The following PANK1 variants were observed in gnomAD, a reference collection of about 807,000 sequenced individuals.
The protein encoded by PANK1 is pantothenic acid kinase 1.
A neutral mutation model predicts 40.1 loss-of-function variants in PANK1; 18 were observed. The observed-to-expected ratio is 0.45, with a 90% CI of 0.31 to 0.67. The LOEUF (loss-of-function observed/expected upper bound fraction) is 0.67, where lower values mean the gene tolerates loss of function less well. Among genes scored for constraint, PANK1 ranks in the 30% least tolerant of loss-of-function variants. The probability of loss-of-function intolerance (pLI) is 0.06; values close to 1 mark genes in which losing one functional copy is unlikely to be tolerated. For synonymous variants in PANK1, 242 were observed against 237.7 expected (o/e 1.02, Z -0.17); for missense variants, 457 against 599.6 (o/e 0.76, Z 2.48).
At position 89,587,070 on chromosome 10, in the gene PANK1, C is replaced by A. The variant is rs183065575; in HGVS notation, c.1326+1582G>T. On this transcript the variant is annotated intron_variant, in intron 6 of 6. Coordinates refer to ENST00000307534, the MANE Select transcript of PANK1 (RefSeq NM_148977.3). ...CCTGGGAGGTGGAGGTAGCAGTGAG[C>A]CAAGATTGCGCCACTGCACTCCAGC... Among the ~76,000 whole-genome samples the A allele has an allele frequency of 1.1e-3, 165 of 152,066 alleles. 1 individual carries two copies. Among genetic ancestry groups the A allele is most frequent in the African/African-American group, 3.6e-3 (148 of 41,490 alleles).
At chr10:89,639,462 G>A (rs1051652430) in intron 1 of PANK1, among the ~76,000 whole-genome samples, 1 of 152,080 alleles carries the variant, frequency 6.6e-6, no homozygotes, top group African/African-American at 2.4e-5. Flanking sequence ...CATGTACTAG[G>A]GTCCAGGCAT....
intron 2 of PANK1, among the ~76,000 whole-genome samples, chr10:89,601,794 C>A (rs535949785): frequency 6.6e-6 from 1 of 152,276 alleles, no homozygotes; most frequent in South Asian, 2.1e-4. Flanking sequence ...TGTAATTATA[C>A]ATGTTTTAAG....
At chr10:89,644,093 C>T in intron 1 of PANK1, 1 of 239,868 alleles carries the variant, frequency 4.2e-6, no homozygotes, top group Non-Finnish European at 8.0e-6. Context: ...TAGTTAAACT[C>T]CACGCCTCCA....
chr10:89,619,494 A>G (rs1290004876), intron 1 of PANK1, among the ~76,000 whole-genome samples: 4 of 152,224 alleles, frequency 2.6e-5, no homozygotes, highest in Non-Finnish European at 5.9e-5. Context: ...ACTAAATGTA[A>G]AATCTGAGTT....
intron 3 of PANK1, among the ~76,000 whole-genome samples, chr10:89,596,373 A>G (rs1011054855): frequency 3.3e-5 from 5 of 152,174 alleles, no homozygotes; most frequent in Non-Finnish European, 5.9e-5. Context: ...AAAGAAGGTA[A>G]CCCATTGGCT....
In PANK1 at chr10:89,599,548, C is replaced by T. The variant is rs780638703; in HGVS notation, c.646-43G>A. ...ACAAAATAAAACCTTGTGAGATAGG[C>T]GACCATCTAAGGGGAAGCCCCAGAG... On this transcript the variant is annotated intron_variant, in intron 2 of 6. Transcript: ENST00000307534. The T allele has an allele frequency of 2.2e-5, 35 of 1,581,730 alleles. 1 individual carries two copies. The highest frequency in any genetic ancestry group is 1.2e-4 in the Admixed American group (7 of 56,948).
At chr10:89,638,385 T>C (rs1399070689) in intron 1 of PANK1, among the ~76,000 whole-genome samples, 1 of 152,234 alleles carries the variant, frequency 6.6e-6, no homozygotes, top group African/African-American at 2.4e-5. Flanking sequence ...TCTTCCATTG[T>C]CCTAATGAAC....
rs753361535 is a variant in PANK1 at position 89,593,178 on chromosome 10, G to A, written c.1200+19C>T. On this transcript the variant is annotated intron_variant, in intron 5 of 6. Coordinates refer to ENST00000307534, the MANE Select transcript of PANK1 (RefSeq NM_148977.3). ...ATATGAATGACACACAGCTTTCACC[G>A]GGTTGAGTAAGGCCTTACCTCATTC... 30 of 1,611,904 alleles carry A rather than the reference G, an allele frequency of 1.9e-5. No individual in the cohort carries two copies. The highest frequency in any genetic ancestry group is 8.9e-5 in the East Asian group (4 of 44,844).
intron 1 of PANK1, among the ~76,000 whole-genome samples, chr10:89,621,824 C>T (rs1223062310): frequency 2.6e-5 from 4 of 152,256 alleles, no homozygotes; most frequent in Non-Finnish European, 5.9e-5. Context: ...AGCAATTCTC[C>T]TGTCTCAGCC....
In PANK1 at chr10:89,584,203, C is replaced by A. The variant is rs898488914; in HGVS notation, c.*203G>T. ...AAAATACAGTATACAGAAAAAAAAC[C>A]TTTTATATTCCCCCGTTTTGAATCA... On this transcript the variant is annotated 3_prime_UTR_variant, in exon 7 of 7. Coordinates refer to ENST00000307534, the MANE Select transcript of PANK1 (RefSeq NM_148977.3). 3.9e-4 allele frequency: 191 copies of A among 493,782 alleles called. No individual in the cohort carries two copies. Among genetic ancestry groups the A allele is most frequent in the Non-Finnish European group, 6.3e-4 (173 of 275,820 alleles). 30.6% of individuals were successfully genotyped at this position (493,782 alleles called of 1,614,324 possible). A position where few individuals can be genotyped will look rare whatever the true frequency, so the allele number is the denominator to read the frequency against.
At chr10:89,631,956 TTGTGTG>T (rs71471132) in intron 1 of PANK1, among the ~76,000 whole-genome samples, 1 of 135,420 alleles carries the variant, frequency 7.4e-6, no homozygotes, top group Non-Finnish European at 1.6e-5. Context: ...AAATAACAGA[TTGTGTG>T]TGTGTGTGTG....
At chr10:89,610,625 T>C (rs1162217142) in intron 2 of PANK1, among the ~76,000 whole-genome samples, 1 of 152,208 alleles carries the variant, frequency 6.6e-6, no homozygotes, top group Non-Finnish European at 1.5e-5. Context: ...TTAAATACCA[T>C]GAATGTGCAC....
chr10:89,644,919 G>GC lies in PANK1; in HGVS notation c.-29dup, dbSNP rs745580173. The GC allele has an allele frequency of 1.9e-6, 3 of 1,544,580 alleles. No individual in the cohort carries two copies. In the South Asian group the frequency reaches 3.6e-5, roughly 19 times the overall value. On this transcript the variant is annotated 5_prime_UTR_variant, in exon 1 of 7. Coordinates refer to ENST00000307534, the MANE Select transcript of PANK1 (RefSeq NM_148977.3). ...CGGGGGCTGGCGGGGCTGTGCGCGG[G>GC]CCCCGGCTCAGGCGGCCTCGCTGGA...
chr10:89,582,885 A>G (rs1296971724), downstream of PANK1: 1 of 152,188 alleles, frequency 6.6e-6, no homozygotes, highest in African/African-American at 2.4e-5. Context: ...CCAATTTTGA[A>G]ATGTAGAGTA....
intron 2 of PANK1, among the ~76,000 whole-genome samples, chr10:89,605,042 A>T (rs748745411): frequency 6.6e-6 from 1 of 151,222 alleles, no homozygotes; most frequent in East Asian, 1.9e-4. Context: ...TGAGCCACCA[A>T]GCCCAGCCTA....
chr10:89,623,901 C>T (rs983481015), intron 1 of PANK1, among the ~76,000 whole-genome samples: 4 of 152,174 alleles, frequency 2.6e-5, no homozygotes, highest in Non-Finnish European at 5.9e-5. Flanking sequence ...ACCTGCACCA[C>T]GGCCAGGGCA....
At chr10:89,596,254 T>C (rs1844601058) in intron 3 of PANK1, among the ~76,000 whole-genome samples, 2 of 152,226 alleles carry the variant, frequency 1.3e-5, no homozygotes, top group African/African-American at 4.8e-5. Flanking sequence ...CTTCTAAATA[T>C]CTGTCATCCC....
At chr10:89,609,159 G>A (rs752777252) in intron 2 of PANK1, among the ~76,000 whole-genome samples, 1 of 152,130 alleles carries the variant, frequency 6.6e-6, no homozygotes. Context: ...TGATCTCCTG[G>A]GTTCAAGAGG....
At chr10:89,587,611 T>C (rs913049971) in intron 6 of PANK1, among the ~76,000 whole-genome samples, 5 of 152,190 alleles carry the variant, frequency 3.3e-5, no homozygotes, top group Admixed American at 2.6e-4. Context: ...CATAATATTG[T>C]AGATTATGAA....
Sources: gnomAD v4.1 joint callset for allele counts (sites outside exome capture counted in the v4.1 genomes callset) on GRCh38, gnomAD v4.1.1 for gene constraint, MANE v1.5 for transcripts, NCBI Gene and HGNC (gene_info 2026-07-23, HGNC 2026-07-21) for gene names.